WDR7: variants seen among roughly 807,000 people sequenced by gnomAD.
WDR7 encodes WD repeat domain 7.
A neutral mutation model predicts 169.4 loss-of-function variants in WDR7; 46 were observed. The ratio of observed to expected loss-of-function variants is 0.27; its 90% confidence interval spans 0.21 to 0.35. The LOEUF is 0.35. Ranked by LOEUF, WDR7 falls within the 10% of genes least tolerant of loss-of-function variation. WDR7 has a pLI of 1.00. For synonymous variants in WDR7, 612 were observed against 666.8 expected (o/e 0.92, Z 1.27); for missense variants, 1,534 against 1,859.3 (o/e 0.83, Z 3.22).
At chr18:56,815,971 T>C (rs988860152) in intron 19 of WDR7, 60 bp from the exon 20 acceptor site, 3 of 1,373,826 alleles carry the variant, frequency 2.2e-6, no homozygotes, top group African/African-American at 2.9e-5. Flanking sequence ...TCTTCAAACT[T>C]TCTGTTTGCT....
At chr18:56,900,755 G>T (rs1459778055) in intron 21 of WDR7, among the ~76,000 whole-genome samples, 2 of 152,166 alleles carry the variant, frequency 1.3e-5, no homozygotes. Context: ...CTTCAGGGAT[G>T]GGGGCTAGAG....
chr18:56,857,112 G>A (rs1426364496), intron 20 of WDR7, among the ~76,000 whole-genome samples: 1 of 151,956 alleles, frequency 6.6e-6, no homozygotes, highest in East Asian at 1.9e-4. Flanking sequence ...ATCTTCTATT[G>A]GTTCAATATA....
chr18:57,011,119 A>G (rs1370707188), intron 26 of WDR7, among the ~76,000 whole-genome samples: 1 of 152,248 alleles, frequency 6.6e-6, no homozygotes, highest in Non-Finnish European at 1.5e-5. Context: ...AATAGTTTTG[A>G]GCATGTATTT....
intron 1 of WDR7, among the ~76,000 whole-genome samples, chr18:56,665,306 A>ATG (rs1555674548): frequency 7.5e-6 from 1 of 133,380 alleles, no homozygotes; most frequent in Non-Finnish European, 1.6e-5. Flanking sequence ...AAAAAAAAAA[A>ATG]AAGAAGAAGA....
chr18:56,708,030 C>CTTTTT (rs752679794), intron 12 of WDR7, among the ~76,000 whole-genome samples: 7 of 132,816 alleles, frequency 5.3e-5, no homozygotes, highest in Non-Finnish European at 9.8e-5. Flanking sequence ...GTGTTTATTC[C>CTTTTT]TTTTTTTTTT....
chr18:56,820,689 G>T (rs1243381228), intron 20 of WDR7, among the ~76,000 whole-genome samples: 1 of 152,078 alleles, frequency 6.6e-6, no homozygotes, highest in East Asian at 1.9e-4. Flanking sequence ...CTTTACAGCT[G>T]TGTATTTTAC....
At chr18:57,033,185 G>A (rs892616469), downstream of WDR7, 6 of 152,046 alleles carry the variant, frequency 3.9e-5, no homozygotes, top group East Asian at 3.9e-4. Context: ...GCTGAGACCC[G>A]GGGCAGGTAA....
chr18:56,995,060 A>AG (rs1320387453), intron 26 of WDR7, among the ~76,000 whole-genome samples: 5 of 152,264 alleles, frequency 3.3e-5, no homozygotes, highest in African/African-American at 4.8e-5. Flanking sequence ...AGAATATGAG[A>AG]GAAAAAAAAC....
At position 57,027,895 on chromosome 18, in the gene WDR7, A is replaced by G. The variant is rs2048390305; in HGVS notation, c.*688A>G. On this transcript the variant is annotated 3_prime_UTR_variant, in exon 28 of 28. Transcript: ENST00000254442. ...AGACACTTAGCCTTCTGAAGTGCTC[A>G]TCTCTTGCTTAAATGATAGTCTATT... 6.6e-6 allele frequency: 1 copy of G among 152,286 alleles called. No homozygotes were observed. Among genetic ancestry groups the G allele is most frequent in the African/African-American group, 2.4e-5 (1 of 41,458 alleles). 9.4% of individuals were successfully genotyped at this position (152,286 alleles called of 1,614,324 possible).
intron 19 of WDR7, among the ~76,000 whole-genome samples, chr18:56,813,005 G>A (rs376877911): frequency 1.5e-5 from 2 of 130,612 alleles, no homozygotes; most frequent in African/African-American, 5.7e-5. Flanking sequence ...ACAGGAAGGG[G>A]AATATCACAC....
intron 25 of WDR7, among the ~76,000 whole-genome samples, chr18:56,958,068 G>A (rs2047281225): frequency 6.6e-6 from 1 of 152,088 alleles, no homozygotes; most frequent in African/African-American, 2.4e-5. Context: ...ATCAATCCAA[G>A]GGAAAGTATA....
At chr18:56,834,073 T>C (rs1178570062) in intron 20 of WDR7, among the ~76,000 whole-genome samples, 1 of 152,172 alleles carries the variant, frequency 6.6e-6, no homozygotes, top group African/African-American at 2.4e-5. Context: ...TCCTTGCAGT[T>C]ATAGGATTGA....
intron 19 of WDR7, among the ~76,000 whole-genome samples, chr18:56,787,659 C>A (rs1364903952): frequency 6.6e-6 from 1 of 152,104 alleles, no homozygotes; most frequent in Non-Finnish European, 1.5e-5. Context: ...ATGAAAGACA[C>A]TCCTAGTAAA....
At chr18:56,973,179 G>A (rs28516834) in intron 26 of WDR7, among the ~76,000 whole-genome samples, 13,223 of 152,090 alleles carry the variant, frequency 0.087, 1,832 homozygotes, top group African/African-American at 0.3. Context: ...CCCGGCCATG[G>A]GTACTTCTTA....
chr18:56,831,962 A>G (rs1201623216), intron 20 of WDR7, among the ~76,000 whole-genome samples: 2 of 152,054 alleles, frequency 1.3e-5, no homozygotes, highest in South Asian at 4.2e-4. Flanking sequence ...TTCATACCCC[A>G]GTGGCACCTG....
intron 26 of WDR7, among the ~76,000 whole-genome samples, chr18:56,983,568 C>CAG (rs749831335): frequency 7.6e-5 from 11 of 145,200 alleles, no homozygotes; most frequent in Non-Finnish European, 1.5e-4. Context: ...CACACACACA[C>CAG]ACAGAGAGAG....
chr18:57,025,952 C>T (rs989440721), intron 27 of WDR7, among the ~76,000 whole-genome samples: 3 of 152,194 alleles, frequency 2.0e-5, no homozygotes, highest in African/African-American at 7.2e-5. Context: ...AATCTTACAT[C>T]GAGATGGAGG....
intron 1 of WDR7, among the ~76,000 whole-genome samples, chr18:56,665,129 C>G (rs977497188): frequency 2.0e-5 from 3 of 151,956 alleles, no homozygotes; most frequent in Non-Finnish European, 4.4e-5. Context: ...CCCGTCTCTG[C>G]TAAAAATACA....
chr18:56,751,388 T>C (rs1309839689), intron 14 of WDR7, among the ~76,000 whole-genome samples: 1 of 152,226 alleles, frequency 6.6e-6, no homozygotes, highest in Admixed American at 6.5e-5. Context: ...GCTGCTTCAA[T>C]AATTTCTTTA....
Sources: allele counts gnomAD v4.1 joint callset (sites outside exome capture counted in the v4.1 genomes callset), GRCh38; gene constraint gnomAD v4.1.1; transcripts MANE v1.5; gene names NCBI Gene and HGNC (gene_info 2026-07-23, HGNC 2026-07-21).